The following ODR4 variants were observed in gnomAD, a reference collection of about 807,000 sequenced individuals.
The protein encoded by ODR4 is protein odr-4 homolog.
In ODR4, 47 loss-of-function variants were observed where a neutral mutation model predicts 60.2. The ratio of observed to expected loss-of-function variants is 0.78; its 90% CI spans 0.62 to 1.00. The LOEUF is 1.00. ODR4 is among the 50% of genes least tolerant of loss of function. The pLI, the probability that ODR4 is intolerant of heterozygous loss-of-function variation, is 0.00. For missense variants in ODR4, 488 were observed against 530.8 expected (o/e 0.92, Z 0.79); for synonymous variants, 178 against 175.5 (o/e 1.01, Z -0.11).
At chr1:186,427,841 G>A in the ODR4 span, among the ~76,000 whole-genome samples, 2 of 152,176 alleles carry the variant, frequency 1.3e-5, no homozygotes, top group Non-Finnish European at 1.5e-5. Flanking sequence ...TGAAACAAAC[G>A]TTAATCTCTG....
chr1:186,420,665 G>C lies in ODR4; in HGVS notation c.*1589G>C, dbSNP rs1661742031. 6.6e-6 allele frequency: 1 copy of C among 152,144 alleles called. No homozygotes were observed. The highest frequency in any genetic ancestry group is 2.1e-4 in the South Asian group (1 of 4,832). The allele number at this position is 152,144 out of a possible 1,614,324, so 9.4% of individuals were successfully genotyped here. A position where few individuals can be genotyped will look rare whatever the true frequency, so the allele number is the denominator to read the frequency against. On this transcript the variant is annotated 3_prime_UTR_variant, in exon 14 of 14. Transcript: ENST00000287859. ...GAATATTTTATTAGACTCAGCTGAA[G>C]AGACAAGTGAACTAAACTATAAGCT...
intron 11 of ODR4, chr1:186,401,369 T>G (rs1251244823): frequency 1.7e-5 from 8 of 484,790 alleles, no homozygotes; most frequent in Non-Finnish European, 3.0e-5. Context: ...TGTAGTTTGG[T>G]GGAAAGAGCA....
rs755157714 is a variant in ODR4 at position 186,399,048 on chromosome 1, T to A, written c.1000+4T>A. The A allele has an allele frequency of 6.3e-7, 1 of 1,594,772 alleles. No individual in the cohort carries two copies. Among genetic ancestry groups the A allele is most frequent in the African/African-American group, 1.3e-5 (1 of 74,506 alleles). On this transcript the variant is annotated splice_donor_region_variant and intron_variant, in intron 11 of 13. Transcript: ENST00000287859. ...AATGAAATTCCAGAAAAAAAAGTTA[T>A]GAGTATAAAATAAGTACTTTTTTGC...
chr1:186,393,001 A>G (rs1258505751), intron 8 of ODR4, among the ~76,000 whole-genome samples: 1 of 152,160 alleles, frequency 6.6e-6, no homozygotes, highest in East Asian at 1.9e-4. Flanking sequence ...GTAAGACTCC[A>G]TTTCAAAATA....
chr1:186,378,610 G>C (rs1659888763), intron 1 of ODR4, among the ~76,000 whole-genome samples: 1 of 152,186 alleles, frequency 6.6e-6, no homozygotes, highest in Non-Finnish European at 1.5e-5. Context: ...TGAAGGACTG[G>C]TTACGATTCC....
chr1:186,402,243 CTT>C (rs1461086039), intron 11 of ODR4, among the ~76,000 whole-genome samples: 1 of 142,014 alleles, frequency 7.0e-6, no homozygotes, highest in Non-Finnish European at 1.5e-5. Context: ...TCCTTTCTTT[CTT>C]TCTCTTCTTT....
chr1:186,384,019 A>C (rs1660149336), intron 3 of ODR4, among the ~76,000 whole-genome samples: 1 of 152,236 alleles, frequency 6.6e-6, no homozygotes, highest in Non-Finnish European at 1.5e-5. Flanking sequence ...AGACTGGGCG[A>C]CAAAGCGAGA....
At chr1:186,416,855 CAAAAAAAAAAA>C (rs71104859) in intron 12 of ODR4, among the ~76,000 whole-genome samples, 1 of 85,718 alleles carries the variant, frequency 1.2e-5, no homozygotes, top group East Asian at 3.1e-4. Context: ...GATTCTGTCT[CAAAAAAAAAAA>C]AAAAAAAAAA....
At chr1:186,379,213 C>T (rs113509023) in intron 1 of ODR4, among the ~76,000 whole-genome samples, 21,319 of 151,804 alleles carry the variant, frequency 0.14, 1,593 homozygotes, top group Non-Finnish European at 0.16. Flanking sequence ...GAGGCCGAGG[C>T]GGGCGGATCA....
In ODR4 at chr1:186,417,536, C is replaced by A; in HGVS notation, c.1187-8C>A. 7.0e-7 allele frequency: 1 copy of A among 1,438,386 alleles called. No homozygotes were observed. The highest frequency in any genetic ancestry group is 1.2e-5 in the South Asian group (1 of 81,874). 89.1% of individuals were successfully genotyped at this position (1,438,386 alleles called of 1,614,324 possible). A position where few individuals can be genotyped will look rare whatever the true frequency, so the allele number is the denominator to read the frequency against. ...TATGTGGAATTTATTATTATTATAC[C>A]CTTTCAGCTTGTATGAGTTCTTCTA... On this transcript the variant is annotated splice_region_variant and splice_polypyrimidine_tract_variant and intron_variant, in intron 12 of 13. Transcript: ENST00000287859.
intron 3 of ODR4, among the ~76,000 whole-genome samples, chr1:186,385,383 C>T (rs531609709): frequency 6.7e-6 from 1 of 150,076 alleles, no homozygotes; most frequent in African/African-American, 2.5e-5. Flanking sequence ...TAGTAGGGTT[C>T]ACAGATAACT....
At chr1:186,391,608 A>T (rs1015744373) in intron 7 of ODR4, 88 bp from the exon 8 acceptor site, 2 of 828,322 alleles carry the variant, frequency 2.4e-6, no homozygotes, top group African/African-American at 3.5e-5. Flanking sequence ...TAATATTTCA[A>T]TTTATTAGGT....
chr1:186,391,774 G>C lies in ODR4; in HGVS notation c.694G>C (p.Asp232His). The change falls in exon 8 of 14, where the codon GAC becomes CAC. Residue 232 changes from aspartate (D) to histidine (H), a missense_variant. Asp to His is a moderately conservative substitution (Grantham distance 81). Coordinates refer to ENST00000287859, the MANE Select transcript of ODR4 (RefSeq NM_017847.6). ...INGQVKDEDC[D>H]LLEGQKKSSR... The stretch of plus-strand genomic sequence containing the variant: ...TGGACAAGTTAAAGATGAAGATTGT[G>C]ACCTATTAGAAGGACAGGTAAGTTA... 6.3e-7 allele frequency: 1 copy of C among 1,591,332 alleles called. No individual in the cohort carries two copies. The highest frequency in any genetic ancestry group is 8.6e-7 in the Non-Finnish European group (1 of 1,164,338).
intron 11 of ODR4, among the ~76,000 whole-genome samples, chr1:186,403,741 G>A (rs1250426357): frequency 2.0e-5 from 3 of 150,964 alleles, no homozygotes; most frequent in Admixed American, 2.0e-4. Flanking sequence ...TTAAGATACA[G>A]CCTAAGCCTT....
At chr1:186,397,289 T>C (rs1660719979) in intron 9 of ODR4, among the ~76,000 whole-genome samples, 1 of 152,194 alleles carries the variant, frequency 6.6e-6, no homozygotes, top group Non-Finnish European at 1.5e-5. Context: ...CAAAGCACTT[T>C]TCACAAGTTG....
intron 12 of ODR4, among the ~76,000 whole-genome samples, chr1:186,409,649 G>A (rs1008531582): frequency 2.6e-5 from 4 of 152,132 alleles, no homozygotes; most frequent in African/African-American, 9.7e-5. Flanking sequence ...GGGTTCAAGC[G>A]ATTCTCCTGC....
chr1:186,416,952 A>G (rs1661597429), intron 12 of ODR4, among the ~76,000 whole-genome samples: 1 of 151,942 alleles, frequency 6.6e-6, no homozygotes, highest in Admixed American at 6.6e-5. Context: ...TATATAGTAA[A>G]CAAATTATTA....
At chr1:186,425,746 T>C (rs1227433535), downstream of ODR4, among the ~76,000 whole-genome samples, 1 of 152,226 alleles carries the variant, frequency 6.6e-6, no homozygotes, top group Non-Finnish European at 1.5e-5. Flanking sequence ...TTAAAGGATA[T>C]TACAGATGCA....
Position 186,399,037 on chromosome 1 carries a change from A to C in ODR4, c.993A>C (p.Glu331Asp), listed in dbSNP as rs1395849821. 6.2e-7 allele frequency: 1 copy of C among 1,607,318 alleles called. No homozygotes were observed. Among genetic ancestry groups the C allele is most frequent in the Non-Finnish European group, 8.5e-7 (1 of 1,175,718 alleles). ...ATCTGCTTTTGAATGAAATTCCAGA[A>C]AAAAAAGTTATGAGTATAAAATAAG... Reference protein sequence around the residue: ...FEDLLLNEIPEKKDSEKEFHV... With the variant: ...FEDLLLNEIPDKKDSEKEFHV... Residue 331 changes from glutamate (E) to aspartate (D), a missense_variant, in exon 11 of 14, where the codon GAA becomes GAC. Coordinates refer to ENST00000287859, the MANE Select transcript of ODR4 (RefSeq NM_017847.6).
Sources: allele counts gnomAD v4.1 joint callset (sites outside exome capture counted in the v4.1 genomes callset), GRCh38; gene constraint gnomAD v4.1.1; transcripts MANE v1.5; gene names NCBI Gene and HGNC (gene_info 2026-07-23, HGNC 2026-07-21).